Variants in RASGEF1B observed in about 807,000 individuals in gnomAD.
The protein encoded by RASGEF1B is ras-GEF domain-containing family member 1B.
In RASGEF1B, 30 loss-of-function variants were observed where a neutral mutation model predicts 65.7. That is an observed-to-expected ratio of 0.46 (90% CI 0.34 to 0.62). RASGEF1B has a LOEUF of 0.62. Among genes scored for constraint, RASGEF1B ranks in the 20% least tolerant of loss-of-function variants. The probability of loss-of-function intolerance (pLI) is 0.01; values close to 1 mark genes in which losing one functional copy is unlikely to be tolerated. For synonymous variants in RASGEF1B, 175 were observed against 194.8 expected (o/e 0.90, Z 0.85); for missense variants, 495 against 580.1 (o/e 0.85, Z 1.51).
rs1721277196 is a variant in RASGEF1B at position 81,427,727 on chromosome 4, G to T, written c.*41C>A. ...ACAAAGGCCAGCCCCTCCATGATCT[G>T]CAGGAAGCAGCAGCAGCAGCAGGCA... On this transcript the variant is annotated 3_prime_UTR_variant, in exon 14 of 14. Coordinates refer to ENST00000264400, the MANE Select transcript of RASGEF1B (RefSeq NM_152545.3). 1 of 1,612,524 alleles carries T rather than the reference G, an allele frequency of 6.2e-7. No homozygotes were observed. The highest frequency in any genetic ancestry group is 8.5e-7 in the Non-Finnish European group (1 of 1,179,550).
In RASGEF1B at chr4:81,456,286, A is replaced by G. The variant is rs1010815973; in HGVS notation, c.438+365T>C. On this transcript the variant is annotated intron_variant, in intron 4 of 13. Coordinates refer to ENST00000264400, the MANE Select transcript of RASGEF1B (RefSeq NM_152545.3). ...GAATAATGTTATTTACTTTGTATCC[A>G]CTAGTGTTTATGTCTACTAACATGC... 67 of 572,516 alleles carry G rather than the reference A, an allele frequency of 1.2e-4. No homozygotes were observed. The East Asian group carries it at 1.7e-3, about 15-fold the overall frequency. 35.5% of individuals were successfully genotyped at this position (572,516 alleles called of 1,614,324 possible). A position where few individuals can be genotyped will look rare whatever the true frequency, so the allele number is the denominator to read the frequency against.
At chr4:81,443,561 C>T (rs1222664373) in intron 8 of RASGEF1B, among the ~76,000 whole-genome samples, 2 of 152,194 alleles carry the variant, frequency 1.3e-5, no homozygotes, top group Middle Eastern at 6.3e-3. Flanking sequence ...TCTTATTTTG[C>T]ACAACATAAT....
chr4:81,466,878 A>G (rs1722854166), intron 1 of RASGEF1B, among the ~76,000 whole-genome samples: 1 of 150,316 alleles, frequency 6.7e-6, no homozygotes. Flanking sequence ...GTCCTAAATC[A>G]GAGATTTCTA....
chr4:81,459,229 T>C (rs1722555191), intron 2 of RASGEF1B, 103 bp downstream of exon 2: 2 of 882,572 alleles, frequency 2.3e-6, no homozygotes, highest in African/African-American at 1.7e-5. Context: ...GAAAAATTCT[T>C]AGCAACCTAG....
At chr4:81,470,846 T>G (rs966947026) in intron 1 of RASGEF1B, among the ~76,000 whole-genome samples, 2 of 152,094 alleles carry the variant, frequency 1.3e-5, no homozygotes, top group Non-Finnish European at 2.9e-5. Flanking sequence ...TGCGCCGATT[T>G]GGTTGGGGCA....
Position 81,427,697 on chromosome 4 carries a change from A to G in RASGEF1B, c.*71T>C, listed in dbSNP as rs1560689735. 5.7e-6 allele frequency: 9 copies of G among 1,590,954 alleles called. No homozygotes were observed. The highest frequency in any genetic ancestry group is 6.9e-6 in the Non-Finnish European group (8 of 1,164,030). On this transcript the variant is annotated 3_prime_UTR_variant, in exon 14 of 14. Coordinates refer to ENST00000264400, the MANE Select transcript of RASGEF1B (RefSeq NM_152545.3). ...ATGAGTGTTCGTGGTACGAGATGCCAGAAAACAAAGGCCAGCCCCTCCATG... is the reference window on the plus strand; with the variant it reads ...ATGAGTGTTCGTGGTACGAGATGCCGGAAAACAAAGGCCAGCCCCTCCATG...
At position 81,432,389 on chromosome 4, in the gene RASGEF1B, A is replaced by G. The variant is rs1479764263; in HGVS notation, c.1325-18T>C. The G allele has an allele frequency of 1.3e-6, 2 of 1,540,590 alleles. No individual in the cohort carries two copies. Among genetic ancestry groups the G allele is most frequent in the African/African-American group, 1.4e-5 (1 of 73,324 alleles). The stretch of plus-strand genomic sequence containing the variant: ...GTAGAGAGCTACAATCAAACAAAAG[A>G]AAGTGCATTAACATTAAAGCCTTCT... On this transcript the variant is annotated intron_variant, in intron 12 of 13. Coordinates refer to ENST00000264400, the MANE Select transcript of RASGEF1B (RefSeq NM_152545.3).
chr4:81,427,922 G>GA (rs996015140), intron 13 of RASGEF1B, 130 bp from the exon 14 acceptor site: 4,691 of 859,828 alleles, frequency 5.5e-3, no homozygotes, highest in South Asian at 7.0e-3. Context: ...GTTAAACCAG[G>GA]AAAAAAAAAA....
At chr4:81,452,638 T>C (rs1409438969) in intron 4 of RASGEF1B, 1 of 152,220 alleles carries the variant, frequency 6.6e-6, no homozygotes, top group African/African-American at 2.4e-5. Context: ...TCAAGCTTTG[T>C]GTTGTTAAGC....
intron 1 of RASGEF1B, among the ~76,000 whole-genome samples, chr4:81,466,770 A>AAAAAAAGAAAG (rs748492254): frequency 0.044 from 1,589 of 36,066 alleles, 93 homozygotes; most frequent in African/African-American, 0.066. Flanking sequence ...AAAAAAAAAA[A>AAAAAAAGAAAG]AAAGAAAGAA....
chr4:81,443,403 T>A (rs1560699327), intron 8 of RASGEF1B, among the ~76,000 whole-genome samples: 1 of 152,204 alleles, frequency 6.6e-6, no homozygotes, highest in Non-Finnish European at 1.5e-5. Flanking sequence ...GCACATTTCA[T>A]GACCCCAGAA....
At chr4:81,432,402 A>G in intron 12 of RASGEF1B, 31 bp from the exon 13 acceptor site, 1 of 1,412,920 alleles carries the variant, frequency 7.1e-7, no homozygotes, top group Admixed American at 1.7e-5. Context: ...GTGCATTAAC[A>G]TTAAAGCCTT....
chr4:81,458,443 C>T (rs1284040159), intron 2 of RASGEF1B, among the ~76,000 whole-genome samples: 1 of 152,186 alleles, frequency 6.6e-6, no homozygotes, highest in Non-Finnish European at 1.5e-5. Context: ...TGTAACAATA[C>T]ACAGAGAGAT....
chr4:81,463,110 T>A (rs941905006), intron 1 of RASGEF1B, among the ~76,000 whole-genome samples: 3 of 152,218 alleles, frequency 2.0e-5, no homozygotes, highest in African/African-American at 7.2e-5. Flanking sequence ...AAAAATCCTG[T>A]CAGTCTGTCT....
At chr4:81,462,153 T>C (rs1387124205) in intron 1 of RASGEF1B, among the ~76,000 whole-genome samples, 2 of 152,206 alleles carry the variant, frequency 1.3e-5, no homozygotes, top group Non-Finnish European at 2.9e-5. Flanking sequence ...ATGTTTTCCA[T>C]CTGTTATTTC....
At chr4:81,446,508 C>G (rs983623448) in intron 6 of RASGEF1B, among the ~76,000 whole-genome samples, 2 of 152,188 alleles carry the variant, frequency 1.3e-5, no homozygotes, top group African/African-American at 4.8e-5. Flanking sequence ...CAAATACCAA[C>G]TGCTATAATC....
chr4:81,460,160 T>C (rs1490368660), intron 1 of RASGEF1B, among the ~76,000 whole-genome samples: 1 of 152,208 alleles, frequency 6.6e-6, no homozygotes, highest in Non-Finnish European at 1.5e-5. Context: ...GTGGTATCTG[T>C]AAAGCCTCAG....
intron 3 of RASGEF1B, 65 bp downstream of exon 3, chr4:81,457,434 A>G: frequency 1.9e-6 from 3 of 1,577,098 alleles, no homozygotes; most frequent in Non-Finnish European, 2.6e-6. Flanking sequence ...TTAAGGAACC[A>G]ACTTCACAAA....
chr4:81,434,544 G>GA, intron 11 of RASGEF1B, 95 bp downstream of exon 11: 2 of 742,860 alleles, frequency 2.7e-6, no homozygotes, highest in Non-Finnish European at 4.9e-6. Context: ...TGAAACTGCA[G>GA]AATTGGCTTT....
Sources: allele counts gnomAD v4.1 joint callset (sites outside exome capture counted in the v4.1 genomes callset), GRCh38; gene constraint gnomAD v4.1.1; transcripts MANE v1.5; gene names NCBI Gene and HGNC (gene_info 2026-07-23, HGNC 2026-07-21).